Variants in LRP1B observed in about 807,000 individuals in gnomAD.
LRP1B encodes low-density lipoprotein receptor-related protein 1B.
In LRP1B, 217 loss-of-function variants were observed where a neutral mutation model predicts 556.6. The ratio of observed to expected loss-of-function variants is 0.39; its 90% CI spans 0.35 to 0.44. The LOEUF is 0.44. Among genes scored for constraint, LRP1B ranks in the 20% least tolerant of loss-of-function variants. The pLI is 1.00. For missense variants in LRP1B, 5,053 were observed against 5,620.8 expected (o/e 0.90, Z 3.23); for synonymous variants, 2,047 against 1,865.8 (o/e 1.10, Z -2.50).
intron 1 of LRP1B, among the ~76,000 whole-genome samples, chr2:141,962,694 A>G (rs939193345): frequency 6.6e-6 from 1 of 151,872 alleles, no homozygotes; most frequent in Non-Finnish European, 1.5e-5. Context: ...AAAAGGCCAC[A>G]TAAAGATTAG....
intron 67 of LRP1B, among the ~76,000 whole-genome samples, chr2:140,381,772 G>T (rs1358343104): frequency 6.9e-6 from 1 of 144,032 alleles, no homozygotes; most frequent in Non-Finnish European, 1.5e-5. Context: ...TGAGGCAGGA[G>T]AATCACTTGC....
At chr2:140,481,578 T>TTTATTATTATTATTA (rs539100695) in intron 59 of LRP1B, among the ~76,000 whole-genome samples, 50 of 137,118 alleles carry the variant, frequency 3.6e-4, no homozygotes, top group South Asian at 2.4e-4. Flanking sequence ...GGTAGCCATC[T>TTTATTATTATTATTA]TTATTATTAT....
intron 2 of LRP1B, among the ~76,000 whole-genome samples, chr2:141,559,419 A>T (rs1200110333): frequency 6.6e-6 from 1 of 151,754 alleles, no homozygotes; most frequent in Non-Finnish European, 1.5e-5. Flanking sequence ...AATGAAATTG[A>T]TGCTGATAAA....
intron 3 of LRP1B, among the ~76,000 whole-genome samples, chr2:141,262,409 T>C (rs1684729103): frequency 6.6e-6 from 1 of 152,108 alleles, no homozygotes; most frequent in Admixed American, 6.6e-5. Context: ...ATTACTGCTT[T>C]TCAAATAACA....
intron 35 of LRP1B, among the ~76,000 whole-genome samples, chr2:140,735,973 TG>T (rs1392932830): frequency 2.0e-5 from 3 of 152,046 alleles, no homozygotes; most frequent in Admixed American, 6.6e-5. Context: ...CAAAAGTTCT[TG>T]GGGCACATTC....
Position 141,273,823 on chromosome 2 carries a change from C to T in LRP1B, c.344-19182G>A, listed in dbSNP as rs78421456. On this transcript the variant is annotated intron_variant, in intron 3 of 90. Coordinates refer to ENST00000389484, the MANE Select transcript of LRP1B (RefSeq NM_018557.3). ...GCGAGAAAACATTTTCAGATCCAAT[C>T]TGGTGAGAGACTTGTATTCAGAATA... is the stretch of plus-strand genomic sequence containing the variant. 5.6e-3 allele frequency among the ~76,000 whole-genome samples: 858 copies of T among 152,282 alleles called. 10 individuals are homozygous for T. Among genetic ancestry groups the T allele is most frequent in the African/African-American group, 0.019 (791 of 41,562 alleles).
At chr2:140,875,065 G>A (rs1410164486) in intron 25 of LRP1B, among the ~76,000 whole-genome samples, 1 of 150,576 alleles carries the variant, frequency 6.6e-6, no homozygotes, top group African/African-American at 2.4e-5. Flanking sequence ...ATCTTAAATG[G>A]TGACAGCAAT....
chr2:140,644,234 G>A (rs1245168356), intron 41 of LRP1B, among the ~76,000 whole-genome samples: 1 of 151,972 alleles, frequency 6.6e-6, no homozygotes, highest in East Asian at 1.9e-4. Flanking sequence ...AGCTTACATT[G>A]TTATAAATGT....
At chr2:141,120,363 A>G (rs1882636) in intron 7 of LRP1B, among the ~76,000 whole-genome samples, 36,632 of 151,758 alleles carry the variant, frequency 0.24, 5,046 homozygotes, top group East Asian at 0.51. Context: ...TATATTAGTA[A>G]TAAGGGTTTT....
chr2:140,658,958 A>G (rs1248630366), intron 41 of LRP1B, among the ~76,000 whole-genome samples: 2 of 151,940 alleles, frequency 1.3e-5, no homozygotes, highest in African/African-American at 2.4e-5. Context: ...ACAATGTTAG[A>G]TAATGGGCTA....
chr2:140,322,166 G>A (rs565946163), intron 81 of LRP1B, 78 bp from the exon 82 acceptor site: 78 of 1,344,888 alleles, frequency 5.8e-5, no homozygotes, highest in Middle Eastern at 3.9e-4. Flanking sequence ...TAAATAAGGC[G>A]AAATGATTAA....
At chr2:141,967,904 A>C (rs550220743) in intron 1 of LRP1B, among the ~76,000 whole-genome samples, 16 of 151,958 alleles carry the variant, frequency 1.1e-4, no homozygotes. Flanking sequence ...TCTCGTTTTT[A>C]ATGTGGTTAA....
intron 1 of LRP1B, among the ~76,000 whole-genome samples, chr2:142,029,039 A>G (rs1452292735): frequency 2.0e-5 from 3 of 151,730 alleles, no homozygotes; most frequent in Non-Finnish European, 4.4e-5. Flanking sequence ...CCACTTTTTC[A>G]TTCCCTTACT....
chr2:140,860,191 T>A (rs568762505), intron 27 of LRP1B, among the ~76,000 whole-genome samples: 1 of 152,146 alleles, frequency 6.6e-6, no homozygotes, highest in Admixed American at 6.5e-5. Flanking sequence ...TTCATTCTGA[T>A]TTATTCACTC....
chr2:140,542,339 A>C (rs1306672559), intron 43 of LRP1B, among the ~76,000 whole-genome samples: 2 of 152,130 alleles, frequency 1.3e-5, no homozygotes, highest in African/African-American at 4.8e-5. Flanking sequence ...GATATATGTT[A>C]GATACTCATC....
intron 27 of LRP1B, among the ~76,000 whole-genome samples, chr2:140,855,493 G>GGGAAAAAAAAAAAAAA (rs570169727): frequency 7.0e-5 from 7 of 99,412 alleles, no homozygotes; most frequent in Non-Finnish European, 1.2e-4. Context: ...TCTCTACTGG[G>GGGAAAAAAAAAAAAAA]AAAAAAAAAA....
intron 20 of LRP1B, among the ~76,000 whole-genome samples, chr2:140,929,482 A>C (rs1305367369): frequency 2.0e-5 from 3 of 151,924 alleles, no homozygotes; most frequent in Non-Finnish European, 4.4e-5. Flanking sequence ...GAGAAAGAGA[A>C]AGCTAGGTTG....
At chr2:140,310,008 A>G (rs541808763) in intron 83 of LRP1B, among the ~76,000 whole-genome samples, 1 of 151,796 alleles carries the variant, frequency 6.6e-6, no homozygotes, top group Admixed American at 6.6e-5. Flanking sequence ...AACTTTTTAA[A>G]CTCTTGCTGA....
At chr2:141,248,447 A>C (rs1684146943) in intron 4 of LRP1B, among the ~76,000 whole-genome samples, 2 of 152,188 alleles carry the variant, frequency 1.3e-5, no homozygotes, top group African/African-American at 4.8e-5. Context: ...GGGGAATCTT[A>C]AGTGAAGACT....
Sources: gnomAD v4.1 joint callset for allele counts (sites outside exome capture counted in the v4.1 genomes callset) on GRCh38, gnomAD v4.1.1 for gene constraint, MANE v1.5 for transcripts, NCBI Gene and HGNC (gene_info 2026-07-23, HGNC 2026-07-21) for gene names.